Variants in ZFAND3 observed in about 807,000 individuals in gnomAD.
The protein encoded by ZFAND3 is zinc finger AN1-type containing 3.
A neutral mutation model predicts 29.6 loss-of-function variants in ZFAND3; 10 were observed. That is an observed-to-expected ratio of 0.34 (90% CI 0.21 to 0.57). ZFAND3 has a LOEUF of 0.57. Among genes scored for constraint, ZFAND3 ranks in the 20% least tolerant of loss-of-function variants. The pLI is 0.86. For missense variants in ZFAND3, 230 were observed against 304.5 expected (o/e 0.76, Z 1.82); for synonymous variants, 128 against 112.6 (o/e 1.14, Z -0.87).
intron 3 of ZFAND3, among the ~76,000 whole-genome samples, chr6:38,066,684 A>G (rs1215423647): frequency 6.6e-6 from 1 of 152,222 alleles, no homozygotes; most frequent in Non-Finnish European, 1.5e-5. Context: ...CCTTCTTACT[A>G]TCAACATGAA....
chr6:37,995,849 G>C (rs1003865184), intron 2 of ZFAND3, among the ~76,000 whole-genome samples: 1 of 151,952 alleles, frequency 6.6e-6, no homozygotes, highest in Non-Finnish European at 1.5e-5. Context: ...AGACTTGGCC[G>C]GGCACTGTGG....
chr6:37,899,831 A>C (rs1278741443), intron 1 of ZFAND3, among the ~76,000 whole-genome samples: 1 of 152,204 alleles, frequency 6.6e-6, no homozygotes, highest in African/African-American at 2.4e-5. Flanking sequence ...CATTACCCCG[A>C]GGGCAACCTA....
chr6:38,063,456 G>A (rs1764281973), intron 3 of ZFAND3, among the ~76,000 whole-genome samples: 1 of 152,152 alleles, frequency 6.6e-6, no homozygotes, highest in Admixed American at 6.5e-5. Flanking sequence ...AAATCATTCA[G>A]CTCACGATAC....
chr6:38,001,883 T>A (rs1581828979), intron 2 of ZFAND3, among the ~76,000 whole-genome samples: 1 of 152,202 alleles, frequency 6.6e-6, no homozygotes, highest in Non-Finnish European at 1.5e-5. Flanking sequence ...TGGCTGTTGG[T>A]CTGTTATCTT....
intron 2 of ZFAND3, among the ~76,000 whole-genome samples, chr6:38,021,909 A>G (rs188502127): frequency 1.3e-3 from 201 of 152,336 alleles, no homozygotes; most frequent in Non-Finnish European, 2.1e-3. Context: ...AATGGCTTAG[A>G]TGAGTATTTA....
chr6:37,925,803 T>G (rs1761474559), intron 1 of ZFAND3, among the ~76,000 whole-genome samples: 2 of 152,040 alleles, frequency 1.3e-5, no homozygotes, highest in South Asian at 4.1e-4. Flanking sequence ...GGCAAATTTG[T>G]GGGAAATACT....
intron 5 of ZFAND3, among the ~76,000 whole-genome samples, chr6:38,136,465 C>G (rs1765843980): frequency 6.6e-6 from 1 of 152,180 alleles, no homozygotes; most frequent in Non-Finnish European, 1.5e-5. Flanking sequence ...TTTGCATGAT[C>G]CAAGGCAGGC....
chr6:37,852,969 A>G (rs1581709401), intron 1 of ZFAND3, among the ~76,000 whole-genome samples: 1 of 152,076 alleles, frequency 6.6e-6, no homozygotes, highest in East Asian at 1.9e-4. Flanking sequence ...TCTTTGTGAG[A>G]AGGTTTGGTA....
At chr6:37,884,363 G>A (rs753741849) in intron 1 of ZFAND3, among the ~76,000 whole-genome samples, 2 of 142,876 alleles carry the variant, frequency 1.4e-5, no homozygotes, top group Non-Finnish European at 3.0e-5. Flanking sequence ...GCGTGGTGGC[G>A]CATGCCTGTA....
At chr6:37,977,775 T>G (rs1171093077) in intron 2 of ZFAND3, among the ~76,000 whole-genome samples, 1 of 145,656 alleles carries the variant, frequency 6.9e-6, no homozygotes, top group Non-Finnish European at 1.5e-5. Flanking sequence ...GCTGAGTTTT[T>G]TGTTTTTTTT....
chr6:37,939,212 A>C (rs547637389), intron 2 of ZFAND3, among the ~76,000 whole-genome samples: 2 of 152,310 alleles, frequency 1.3e-5, no homozygotes, highest in South Asian at 4.1e-4. Context: ...CAGAAGTCTA[A>C]AACCAAGGTA....
intron 1 of ZFAND3, among the ~76,000 whole-genome samples, chr6:37,894,909 C>T (rs1765171456): frequency 6.6e-6 from 1 of 152,106 alleles, no homozygotes; most frequent in South Asian, 2.1e-4. Context: ...ATGTGATTTT[C>T]CTGGCTGCTT....
intron 1 of ZFAND3, among the ~76,000 whole-genome samples, chr6:37,884,060 C>T (rs1191913042): frequency 1.4e-5 from 2 of 144,862 alleles, no homozygotes; most frequent in African/African-American, 5.6e-5. Context: ...ATGTGTAGCT[C>T]TTATAATAGA....
At chr6:38,095,557 T>G (rs1764962110) in intron 4 of ZFAND3, among the ~76,000 whole-genome samples, 1 of 152,230 alleles carries the variant, frequency 6.6e-6, no homozygotes, top group African/African-American at 2.4e-5. Flanking sequence ...AACTAGATTC[T>G]GTAAGCCCGC....
At chr6:37,833,769 T>C (rs1337034389) in intron 1 of ZFAND3, among the ~76,000 whole-genome samples, 1 of 141,230 alleles carries the variant, frequency 7.1e-6, no homozygotes, top group African/African-American at 2.7e-5. Flanking sequence ...GAGGCTGCAG[T>C]GAGCCAAGAT....
chr6:37,940,045 G>A (rs1219759869), intron 2 of ZFAND3, among the ~76,000 whole-genome samples: 1 of 152,072 alleles, frequency 6.6e-6, no homozygotes, highest in Non-Finnish European at 1.5e-5. Context: ...GTCTCGGGGT[G>A]GGGAGGCGGG....
chr6:37,939,425 A>C (rs1471017429), intron 2 of ZFAND3, among the ~76,000 whole-genome samples: 2 of 152,152 alleles, frequency 1.3e-5, no homozygotes, highest in Non-Finnish European at 2.9e-5. Context: ...TCATTGGCTC[A>C]GTCTTATCCC....
chr6:37,873,918 C>G (rs1043151475), intron 1 of ZFAND3, among the ~76,000 whole-genome samples: 1 of 152,172 alleles, frequency 6.6e-6, no homozygotes, highest in Admixed American at 6.5e-5. Flanking sequence ...GTATAATTTT[C>G]ACGTCTCAGA....
At chr6:37,946,743 C>A (rs1761907918) in intron 2 of ZFAND3, among the ~76,000 whole-genome samples, 1 of 152,098 alleles carries the variant, frequency 6.6e-6, no homozygotes, top group Non-Finnish European at 1.5e-5. Flanking sequence ...CGTGAATGAA[C>A]CTTGACAACA....
Sources: allele counts gnomAD v4.1 joint callset (sites outside exome capture counted in the v4.1 genomes callset), GRCh38; gene constraint gnomAD v4.1.1; transcripts MANE v1.5; gene names NCBI Gene and HGNC (gene_info 2026-07-23, HGNC 2026-07-21).